TAFA4: variants seen among roughly 807,000 people sequenced by gnomAD.
TAFA4 encodes TAFA chemokine like family member 4.
A neutral mutation model predicts 21.1 loss-of-function variants in TAFA4; 20 were observed. The observed-to-expected ratio is 0.95, with a 90% CI of 0.67 to 1.38. The LOEUF is 1.38. Ranked by LOEUF, TAFA4 falls within the 40% of genes most tolerant of loss-of-function variation. TAFA4 has a pLI of 0.00. For synonymous variants in TAFA4, 71 were observed against 67.4 expected (o/e 1.05, Z -0.26); for missense variants, 211 against 180.9 (o/e 1.17, Z -0.95).
chr3:68,775,821 A>G (rs192551678), intron 3 of TAFA4, among the ~76,000 whole-genome samples: 77 of 152,222 alleles, frequency 5.1e-4, no homozygotes, highest in Non-Finnish European at 9.3e-4. Flanking sequence ...GAAGAGATAG[A>G]CCTGTTTCCT....
At chr3:68,919,304 G>A (rs2090034985) in intron 1 of TAFA4, among the ~76,000 whole-genome samples, 1 of 152,200 alleles carries the variant, frequency 6.6e-6, no homozygotes, top group African/African-American at 2.4e-5. Context: ...GCAGACAGGA[G>A]TCTCTAAACA....
chr3:68,785,971 C>G (rs1053872705), intron 3 of TAFA4, among the ~76,000 whole-genome samples: 1 of 152,202 alleles, frequency 6.6e-6, no homozygotes, highest in Non-Finnish European at 1.5e-5. Context: ...CAAGGCCGTT[C>G]AGTACTCTTT....
chr3:68,915,670 G>A (rs1205129023), intron 1 of TAFA4, among the ~76,000 whole-genome samples: 1 of 152,176 alleles, frequency 6.6e-6, no homozygotes, highest in Non-Finnish European at 1.5e-5. Context: ...CTCTTAGTAA[G>A]AAAGAATTAG....
intron 3 of TAFA4, among the ~76,000 whole-genome samples, chr3:68,801,587 A>G (rs1703579660): frequency 6.6e-6 from 1 of 152,194 alleles, no homozygotes. Flanking sequence ...ATTTTTACCT[A>G]CTACACATCT....
chr3:68,788,646 T>C (rs1703306969), intron 3 of TAFA4, among the ~76,000 whole-genome samples: 1 of 152,098 alleles, frequency 6.6e-6, no homozygotes, highest in African/African-American at 2.4e-5. Context: ...GGGTCTCACT[T>C]CATCACCCAA....
intron 3 of TAFA4, among the ~76,000 whole-genome samples, chr3:68,763,460 G>T (rs184755048): frequency 6.6e-6 from 1 of 152,032 alleles, no homozygotes; most frequent in Admixed American, 6.6e-5. Context: ...TCATCTGCTT[G>T]GAACACTCTG....
intron 3 of TAFA4, among the ~76,000 whole-genome samples, chr3:68,768,788 G>A (rs1702902013): frequency 6.6e-6 from 1 of 152,116 alleles, no homozygotes; most frequent in South Asian, 2.1e-4. Flanking sequence ...TGTCATTGGT[G>A]ACAACATGGA....
At chr3:68,748,354 G>C (rs1005274656) in intron 4 of TAFA4, among the ~76,000 whole-genome samples, 1 of 152,208 alleles carries the variant, frequency 6.6e-6, no homozygotes, top group African/African-American at 2.4e-5. Context: ...ACATTGTAAA[G>C]ACAGACCCTA....
chr3:68,841,064 A>ACACACATTCTCCACAAAACTTT (rs1704650306), intron 3 of TAFA4, among the ~76,000 whole-genome samples: 1 of 135,696 alleles, frequency 7.4e-6, no homozygotes, highest in African/African-American at 2.6e-5. Context: ...AATAAAATCC[A>ACACACATTCTCCACAAAACTTT]TGTAATCCCA....
chr3:68,875,884 G>A (rs1453680819), intron 3 of TAFA4, among the ~76,000 whole-genome samples: 1 of 150,758 alleles, frequency 6.6e-6, no homozygotes, highest in African/African-American at 2.4e-5. Flanking sequence ...CCACTTACCT[G>A]GTACTTTTTC....
At chr3:68,889,932 T>C (rs553564595) in intron 1 of TAFA4, among the ~76,000 whole-genome samples, 1 of 152,266 alleles carries the variant, frequency 6.6e-6, no homozygotes, top group South Asian at 2.1e-4. Context: ...CAAGGACACA[T>C]ATACGTAGCC....
At chr3:68,823,728 T>G (rs1046103977) in intron 3 of TAFA4, among the ~76,000 whole-genome samples, 8 of 152,176 alleles carry the variant, frequency 5.3e-5, no homozygotes, top group African/African-American at 1.9e-4. Context: ...CTGTGTTAGT[T>G]TGCTGAGGAT....
At chr3:68,913,496 A>G (rs540180203) in intron 1 of TAFA4, 1 of 152,364 alleles carries the variant, frequency 6.6e-6, no homozygotes, top group South Asian at 2.1e-4. Flanking sequence ...AGTGCCCAAG[A>G]AGAAGCGGAA....
chr3:68,808,516 A>G (rs1337192826), intron 3 of TAFA4, among the ~76,000 whole-genome samples: 1 of 152,198 alleles, frequency 6.6e-6, no homozygotes, highest in East Asian at 1.9e-4. Flanking sequence ...TGAATGAGCC[A>G]CCATAGCCTA....
At chr3:68,767,459 G>A (rs1167985114) in intron 3 of TAFA4, among the ~76,000 whole-genome samples, 1 of 151,946 alleles carries the variant, frequency 6.6e-6, no homozygotes, top group Non-Finnish European at 1.5e-5. Context: ...AAAGCAGTTA[G>A]AAACAGAAAA....
chr3:68,909,721 A>C (rs1381237867), intron 1 of TAFA4, among the ~76,000 whole-genome samples: 1 of 152,226 alleles, frequency 6.6e-6, no homozygotes, highest in Non-Finnish European at 1.5e-5. Context: ...CCTGACACGT[A>C]ATTCACATGA....
chr3:68,798,417 G>A (rs1315475125), intron 3 of TAFA4, among the ~76,000 whole-genome samples: 2 of 152,156 alleles, frequency 1.3e-5, no homozygotes, highest in African/African-American at 4.8e-5. Flanking sequence ...TTTTGACAAT[G>A]TAAGTGCAAA....
At chr3:68,766,373 A>AT (rs1702854891) in intron 3 of TAFA4, among the ~76,000 whole-genome samples, 1 of 152,156 alleles carries the variant, frequency 6.6e-6, no homozygotes. Context: ...TTAAAAAAAA[A>AT]TACCACACAT....
chr3:68,911,823 G>C (rs1404191053), intron 1 of TAFA4, among the ~76,000 whole-genome samples: 3 of 152,160 alleles, frequency 2.0e-5, no homozygotes, highest in Admixed American at 6.5e-5. Flanking sequence ...CAGCCAGTGG[G>C]GCTGCCAGGG....
Sources: allele counts gnomAD v4.1 joint callset (sites outside exome capture counted in the v4.1 genomes callset), GRCh38; gene constraint gnomAD v4.1.1; transcripts MANE v1.5; gene names NCBI Gene and HGNC (gene_info 2026-07-23, HGNC 2026-07-21).